The following INO80 variants were observed in gnomAD, a reference collection of about 807,000 sequenced individuals.
The protein encoded by INO80 is INO80 complex ATPase subunit.
A neutral mutation model predicts 203.4 loss-of-function variants in INO80; 20 were observed. That is an observed-to-expected ratio of 0.10 (90% CI 0.07 to 0.14). INO80 has a LOEUF of 0.14. INO80 is among the 10% of genes least tolerant of loss of function. The probability of loss-of-function intolerance (pLI) is 1.00; values close to 1 mark genes in which losing one functional copy is unlikely to be tolerated. For synonymous variants in INO80, 726 were observed against 685.2 expected (o/e 1.06, Z -0.93); for missense variants, 1,419 against 1,914.4 (o/e 0.74, Z 4.83).
chr15:40,984,601 T>C (rs1893951849), intron 32 of INO80, among the ~76,000 whole-genome samples: 1 of 151,020 alleles, frequency 6.6e-6, no homozygotes, highest in Admixed American at 6.6e-5. Context: ...GGAGGATTAC[T>C]TGAGCCCAGA....
chr15:41,093,267 A>G (rs2045671504), intron 4 of INO80, among the ~76,000 whole-genome samples: 1 of 151,990 alleles, frequency 6.6e-6, no homozygotes, highest in African/African-American at 2.4e-5. Flanking sequence ...TCTACTAAAA[A>G]TACAAAAATT....
At chr15:41,058,567 G>A (rs2045040532) in intron 16 of INO80, 72 bp downstream of exon 16, 31 of 904,092 alleles carry the variant, frequency 3.4e-5, no homozygotes, top group Admixed American at 1.0e-4. Flanking sequence ...GTGTGTGTGT[G>A]TGCGTGTGTG....
intron 25 of INO80, among the ~76,000 whole-genome samples, chr15:41,026,793 G>A (rs1166337855): frequency 6.6e-6 from 1 of 152,156 alleles, no homozygotes; most frequent in Non-Finnish European, 1.5e-5. Flanking sequence ...TCCCTTCTTG[G>A]TAGATCTTTT....
rs79743736 is a variant in INO80 at position 41,114,682 on chromosome 15, C to A, written c.-44+1291G>T. Among the ~76,000 whole-genome samples, 580 of 149,320 alleles carry A rather than the reference C, an allele frequency of 3.9e-3. 3 individuals are homozygous for A. The highest frequency in any genetic ancestry group is 0.014 in the African/African-American group (557 of 40,400). ...CGGGACCCCGCCACTGCACTCCAGC[C>A]TGGACGACAGAGCGAGACTCAGTCT... On this transcript the variant is annotated intron_variant, in intron 1 of 35. Transcript: ENST00000648947.
intron 14 of INO80, among the ~76,000 whole-genome samples, chr15:41,067,616 A>G (rs1280880145): frequency 2.0e-5 from 3 of 152,144 alleles, no homozygotes; most frequent in African/African-American, 7.2e-5. Context: ...TTAGCCACAA[A>G]ATGGGACCAC....
chr15:41,063,948 T>C (rs1449590230), intron 14 of INO80, among the ~76,000 whole-genome samples: 1 of 152,072 alleles, frequency 6.6e-6, no homozygotes, highest in African/African-American at 2.4e-5. Flanking sequence ...GAAAATTTCA[T>C]AATAATAAAA....
intron 24 of INO80, among the ~76,000 whole-genome samples, chr15:41,036,666 G>A (rs987887050): frequency 6.6e-6 from 1 of 152,002 alleles, no homozygotes; most frequent in Non-Finnish European, 1.5e-5. Context: ...ATTAATACTG[G>A]TGCATTAATA....
At chr15:41,086,189 A>G (rs891130219) in intron 6 of INO80, among the ~76,000 whole-genome samples, 4 of 152,178 alleles carry the variant, frequency 2.6e-5, no homozygotes, top group Admixed American at 6.5e-5. Context: ...ATAAAGAAAA[A>G]TAAAAGAGAA....
chr15:40,987,259 A>AAGAT, intron 30 of INO80, 66 bp from the exon 31 acceptor site: 1 of 963,934 alleles, frequency 1.0e-6, no homozygotes, highest in Non-Finnish European at 1.7e-6. Context: ...TATCCAGAAA[A>AAGAT]AGATACACAT....
chr15:41,073,573 G>A, intron 10 of INO80, 78 bp from the exon 11 acceptor site: 2 of 1,116,366 alleles, frequency 1.8e-6, no homozygotes, highest in East Asian at 2.4e-5. Context: ...CAATGTATGT[G>A]GATCCCTGAT....
intron 26 of INO80, among the ~76,000 whole-genome samples, chr15:41,020,215 C>G (rs2140465010): frequency 6.6e-6 from 1 of 151,026 alleles, no homozygotes; most frequent in Non-Finnish European, 1.5e-5. Flanking sequence ...AGCGGGACTC[C>G]ATCTCAAAAA....
intron 5 of INO80, among the ~76,000 whole-genome samples, chr15:41,090,314 G>T (rs537104435): frequency 2.0e-5 from 3 of 152,140 alleles, no homozygotes; most frequent in African/African-American, 7.2e-5. Flanking sequence ...GGTGGCTCAC[G>T]CCTGTAATCC....
At chr15:41,073,000 C>T (rs2045347503) in intron 11 of INO80, among the ~76,000 whole-genome samples, 2 of 152,008 alleles carry the variant, frequency 1.3e-5, no homozygotes, top group Non-Finnish European at 1.5e-5. Context: ...TGGATGGTCT[C>T]GATCTCCTGA....
At chr15:41,077,980 AACCTCC>A (rs2045430630) in intron 9 of INO80, among the ~76,000 whole-genome samples, 1 of 150,288 alleles carries the variant, frequency 6.7e-6, no homozygotes, top group African/African-American at 2.5e-5. Flanking sequence ...AGCTCACTGC[AACCTCC>A]ACCTCCCGGG....
In INO80 at chr15:41,095,787, T is replaced by C; in HGVS notation, c.285A>G (p.Thr95=). Residue 95 remains threonine (T), a synonymous_variant, in exon 3 of 36, where the codon ACA becomes ACG. Coordinates refer to ENST00000648947, the MANE Select transcript of INO80 (RefSeq NM_017553.3). The part of the protein sequence containing the change: ...SGAGSSGMLN[T]YSLNGVLQSE... ...ACTGTAGAACTCCATTCAGAGAATA[T>C]GTGTTTAACATTCCAGAACTGCCTG... 1 of 1,614,152 alleles carries C rather than the reference T, an allele frequency of 6.2e-7. No homozygotes were observed. The highest frequency in any genetic ancestry group is 8.5e-7 in the Non-Finnish European group (1 of 1,180,030).
intron 14 of INO80, among the ~76,000 whole-genome samples, chr15:41,069,223 C>T (rs1056208753): frequency 1.2e-4 from 18 of 152,248 alleles, no homozygotes; most frequent in South Asian, 2.1e-4. Flanking sequence ...CCCTTCACTG[C>T]AACCTCCCCT....
In INO80 at chr15:41,104,666, T is replaced by C. The variant is rs1427273819; in HGVS notation, c.-43-8313A>G. On this transcript the variant is annotated intron_variant, in intron 1 of 35. Coordinates refer to ENST00000648947, the MANE Select transcript of INO80 (RefSeq NM_017553.3). ...GATTCTCCTGCCTCAGTCTTCCGAGTAGCTGGGATTACAAGCATGAGCCAC... is the reference window on the plus strand; with the variant it reads ...GATTCTCCTGCCTCAGTCTTCCGAGCAGCTGGGATTACAAGCATGAGCCAC... Among the ~76,000 whole-genome samples the C allele has an allele frequency of 4.6e-5, 7 of 151,992 alleles. No individual in the cohort carries two copies. The East Asian group carries it at 1.4e-3, about 29-fold the overall frequency.
At chr15:41,096,040 T>C in intron 2 of INO80, 112 bp from the exon 3 acceptor site, 1 of 1,423,822 alleles carries the variant, frequency 7.0e-7, no homozygotes. Flanking sequence ...AATTGACTTT[T>C]TTATTTGAAA....
chr15:41,047,860 G>A (rs2044797168), intron 22 of INO80, among the ~76,000 whole-genome samples: 1 of 152,196 alleles, frequency 6.6e-6, no homozygotes, highest in African/African-American at 2.4e-5. Context: ...TGGACAATGA[G>A]CAAAGCTGAG....
Sources: allele counts gnomAD v4.1 joint callset (sites outside exome capture counted in the v4.1 genomes callset), GRCh38; gene constraint gnomAD v4.1.1; transcripts MANE v1.5; gene names NCBI Gene and HGNC (gene_info 2026-07-23, HGNC 2026-07-21).